Variants in EDA observed in about 807,000 individuals in gnomAD.
EDA encodes the protein ectodysplasin-A.
EDA carries 2 observed loss-of-function variants against 23.6 expected under a neutral mutation model. The ratio of observed to expected loss-of-function variants is 0.08; its 90% CI spans 0.03 to 0.27. EDA has a LOEUF of 0.27. EDA is among the 10% of genes least tolerant of loss of function. The pLI is 1.00. For synonymous variants in EDA, 131 were observed against 132.0 expected (o/e 0.99, Z 0.05); for missense variants, 229 against 324.2 (o/e 0.71, Z 2.26).
At chrX:69,842,022 G>T (rs1248426549) in intron 1 of EDA, among the ~76,000 whole-genome samples, 1 of 112,044 alleles carries the variant, frequency 8.9e-6, no homozygotes, top group Admixed American at 9.5e-5. Flanking sequence ...CCCCCCCGTC[G>T]GACCATCGAC....
At chrX:69,619,407 C>G (rs1932097107) in intron 1 of EDA, among the ~76,000 whole-genome samples, 1 of 111,766 alleles carries the variant, frequency 8.9e-6, no homozygotes, top group Admixed American at 9.5e-5. Flanking sequence ...AGTTATGACT[C>G]AAGAAAGGGA....
At chrX:69,891,436 C>T (rs905930809) in intron 1 of EDA, among the ~76,000 whole-genome samples, 10 of 111,714 alleles carry the variant, frequency 9.0e-5, no homozygotes, top group Non-Finnish European at 1.7e-4. Context: ...CAATATAAAT[C>T]GTTCTACTAT....
At chrX:69,822,509 G>A (rs967822792) in intron 1 of EDA, among the ~76,000 whole-genome samples, 4 of 110,779 alleles carry the variant, frequency 3.6e-5, no homozygotes, top group African/African-American at 1.3e-4. Flanking sequence ...CTTTGAAAGG[G>A]CAGAACTCAA....
intron 1 of EDA, among the ~76,000 whole-genome samples, chrX:69,832,371 G>C (rs1023070006): frequency 2.7e-5 from 3 of 110,969 alleles, no homozygotes; most frequent in Admixed American, 1.9e-4. Flanking sequence ...ATTTCTGAGG[G>C]CTCTGTTCTG....
chrX:69,624,986 T>A (rs1416761685), intron 1 of EDA, among the ~76,000 whole-genome samples: 2 of 111,516 alleles, frequency 1.8e-5, no homozygotes, highest in African/African-American at 6.5e-5. Flanking sequence ...TGTGTTTTTT[T>A]AAGCAGGAAA....
chrX:69,772,469 C>T (rs950544923), intron 1 of EDA, among the ~76,000 whole-genome samples: 1 of 111,705 alleles, frequency 9.0e-6, no homozygotes, highest in Non-Finnish European at 1.9e-5. Context: ...TAAAATTCAA[C>T]ATTTTATTTT....
At chrX:70,012,502 T>G (rs1413848885) in intron 2 of EDA, among the ~76,000 whole-genome samples, 1 of 112,279 alleles carries the variant, frequency 8.9e-6, no homozygotes. Context: ...TAAGAATTAC[T>G]TACTGGTCAT....
intron 1 of EDA, among the ~76,000 whole-genome samples, chrX:69,639,278 T>C (rs1236608733): frequency 8.9e-6 from 1 of 111,743 alleles, no homozygotes; most frequent in Non-Finnish European, 1.9e-5. Context: ...TTAGGGTACA[T>C]ACTAAGGAGT....
intron 1 of EDA, among the ~76,000 whole-genome samples, chrX:69,917,028 G>T (rs959846068): frequency 9.1e-6 from 1 of 110,084 alleles, no homozygotes; most frequent in Non-Finnish European, 1.9e-5. Context: ...TCCACCTCCC[G>T]GGTTCAAGCA....
intron 2 of EDA, among the ~76,000 whole-genome samples, chrX:69,982,604 T>G (rs1403768631): frequency 9.0e-6 from 1 of 111,161 alleles, no homozygotes; most frequent in Non-Finnish European, 1.9e-5. Flanking sequence ...GGATATTGTG[T>G]GCTCTGCAGA....
intron 2 of EDA, among the ~76,000 whole-genome samples, chrX:69,988,571 A>G (rs1434005003): frequency 1.8e-5 from 2 of 112,135 alleles, no homozygotes; most frequent in Non-Finnish European, 3.8e-5. Flanking sequence ...AAAGACTAGT[A>G]AGGGCCAGTC....
At chrX:69,904,859 A>G (rs1249883901) in intron 1 of EDA, among the ~76,000 whole-genome samples, 1 of 111,842 alleles carries the variant, frequency 8.9e-6, no homozygotes, top group Non-Finnish European at 1.9e-5. Context: ...ACAGGATCTC[A>G]TTCTTTTTTA....
At chrX:69,818,247 A>G (rs753271746) in intron 1 of EDA, among the ~76,000 whole-genome samples, 1 of 111,528 alleles carries the variant, frequency 9.0e-6, no homozygotes, top group East Asian at 2.8e-4. Flanking sequence ...TTATACCACT[A>G]AATGCCCACA....
At chrX:69,941,700 G>A (rs1197155647) in intron 1 of EDA, among the ~76,000 whole-genome samples, 2 of 111,285 alleles carry the variant, frequency 1.8e-5, no homozygotes, top group South Asian at 3.8e-4. Context: ...GTAGGCAACA[G>A]ATCATTGGGT....
At chrX:69,742,545 C>T (rs1247997547) in intron 1 of EDA, among the ~76,000 whole-genome samples, 4 of 112,107 alleles carry the variant, frequency 3.6e-5, no homozygotes, top group Non-Finnish European at 7.5e-5. Flanking sequence ...AGACTTTTAG[C>T]AGTTGTTGCT....
At chrX:69,788,623 GC>G (rs1429238008) in intron 1 of EDA, among the ~76,000 whole-genome samples, 1 of 112,083 alleles carries the variant, frequency 8.9e-6, no homozygotes, top group Non-Finnish European at 1.9e-5. Context: ...GGGTCAGGGA[GC>G]CACTTGAGGA....
chrX:69,719,220 G>GT lies in EDA; in HGVS notation c.396+102526dup, dbSNP rs35350948. 5.5e-3 allele frequency among the ~76,000 whole-genome samples: 571 copies of GT among 102,949 alleles called. 5 individuals carry two copies. Among genetic ancestry groups the GT allele is most frequent in the Admixed American group, 8.9e-3 (86 of 9,623 alleles). The allele number at this position is 102,949 out of a possible 115,157, so 89.4% of individuals were successfully genotyped here. On this transcript the variant is annotated intron_variant, in intron 1 of 7. Transcript: ENST00000374552. ...TTGTTAGAGTTTTGTCAATTGTATT[G>GT]TTTTTTTTTTCCCTAAGGAACTAGT... is the stretch of plus-strand genomic sequence containing the variant.
chrX:69,964,312 A>G (rs1329036402), intron 2 of EDA, among the ~76,000 whole-genome samples: 2 of 111,121 alleles, frequency 1.8e-5, no homozygotes, highest in Admixed American at 1.9e-4. Flanking sequence ...TTTTTGAAGC[A>G]TGCATACTCC....
At chrX:69,774,814 T>C (rs1292957843) in intron 1 of EDA, among the ~76,000 whole-genome samples, 3 of 111,563 alleles carry the variant, frequency 2.7e-5, no homozygotes, top group Non-Finnish European at 5.6e-5. Flanking sequence ...TTGTTCTCTT[T>C]GTTCATTTTC....
Sources: gnomAD v4.1 joint callset for allele counts (sites outside exome capture counted in the v4.1 genomes callset) on GRCh38, gnomAD v4.1.1 for gene constraint, MANE v1.5 for transcripts, NCBI Gene and HGNC (gene_info 2026-07-23, HGNC 2026-07-21) for gene names.